The following SGCD variants were observed in gnomAD, a reference collection of about 807,000 sequenced individuals.
SGCD encodes the protein sarcoglycan delta.
Under a neutral mutation model 36.6 loss-of-function variants are expected in SGCD, and 18 were observed. That is an observed-to-expected ratio of 0.49 (90% confidence interval 0.34 to 0.73). The LOEUF (loss-of-function observed/expected upper bound fraction) is 0.73, where lower values mean the gene tolerates loss of function less well. Among genes scored for constraint, SGCD ranks in the 30% least tolerant of loss-of-function variants. The pLI is 0.01. For missense variants in SGCD, 387 were observed against 346.7 expected, an observed-to-expected ratio of 1.12 and a Z score of -0.92; for synonymous variants, 133 against 130.6, an observed-to-expected ratio of 1.02 and a Z score of -0.12.
chr5:156,687,357 T>G (rs940210434), intron 7 of SGCD, among the ~76,000 whole-genome samples: 2 of 152,226 alleles, frequency 1.3e-5, no homozygotes, highest in African/African-American at 4.8e-5. Flanking sequence ...TGAAACAGGC[T>G]TTCCTTGCTT....
chr5:156,579,884 C>A (rs1760171359), intron 4 of SGCD, among the ~76,000 whole-genome samples: 1 of 152,182 alleles, frequency 6.6e-6, no homozygotes, highest in Non-Finnish European at 1.5e-5. Context: ...CAGTCTGTGT[C>A]TTTTAACTGG....
rs1773768732 is a variant in SGCD, at chr5:156,428,386, C to G, written c.193-80215C>G. On this transcript the variant is annotated intron_variant, in intron 3 of 8. Transcript: ENST00000337851. ...GTTTCTGTGATATTGGGTGTAATAT[C>G]TCCCATTTCATTTCTAATTGAGCTT... is the stretch of plus-strand genomic sequence containing the variant. Among the ~76,000 whole-genome samples, 3 of 152,144 alleles carry G rather than the reference C, an allele frequency of 2.0e-5. No homozygotes were observed. In the South Asian group the frequency reaches 6.2e-4, roughly 32 times the overall value.
chr5:156,464,605 A>T (rs545501462), intron 3 of SGCD, among the ~76,000 whole-genome samples: 4 of 152,268 alleles, frequency 2.6e-5, no homozygotes, highest in African/African-American at 9.6e-5. Context: ...GTTTCTTCAT[A>T]GTGTTCTTAG....
chr5:155,794,248 A>T, the SGCD span, among the ~76,000 whole-genome samples: 1 of 152,210 alleles, frequency 6.6e-6, no homozygotes, highest in East Asian at 1.9e-4. Flanking sequence ...ATCTGACCAG[A>T]GGAAGATAAC....
At chr5:156,507,460 A>G (rs1378820086) in intron 3 of SGCD, among the ~76,000 whole-genome samples, 2 of 152,208 alleles carry the variant, frequency 1.3e-5, no homozygotes, top group Non-Finnish European at 2.9e-5. Flanking sequence ...GAATTCTAAC[A>G]CACAGAACTG....
chr5:155,935,348 G>T (rs545961511), intron 1 of SGCD, among the ~76,000 whole-genome samples: 2 of 152,052 alleles, frequency 1.3e-5, no homozygotes, highest in African/African-American at 4.8e-5. Context: ...TCTTCTTTTT[G>T]GTTTCTTTCC....
rs1351628919 is a variant in SGCD at position 156,760,503 on chromosome 5, G to A, written c.*1113G>A. On this transcript the variant is annotated 3_prime_UTR_variant, in exon 9 of 9. Transcript: ENST00000337851. ...CTTCTTATATATTTTTTCAGTGCCG[G>A]GATATTCATATTCCTAAAGCCACTA... The A allele has an allele frequency of 6.6e-6, 1 of 152,234 alleles. No individual in the cohort carries two copies. The highest frequency in any genetic ancestry group is 1.5e-5 in the Non-Finnish European group (1 of 68,022). 9.4% of individuals were successfully genotyped at this position (152,234 alleles called of 1,614,324 possible). A position where few individuals can be genotyped will look rare whatever the true frequency, so the allele number is the denominator to read the frequency against.
At position 156,169,957 on chromosome 5, in the gene SGCD, C is replaced by T. The variant is rs540629708; in HGVS notation, c.-44+45938C>T. On this transcript the variant is annotated intron_variant, in intron 3 of 9. Transcript: ENST00000517913. The stretch of plus-strand genomic sequence containing the variant: ...GCTCAGTGGAGAGCCATGGAAGTCT[C>T]TGGGTGTGCCCGTGGTGTGACGTGA... 1.4e-4 allele frequency among the ~76,000 whole-genome samples: 22 copies of T among 152,266 alleles called. No homozygotes were observed. In the South Asian group the frequency reaches 4.6e-3, roughly 32 times the overall value.
intron 4 of SGCD, among the ~76,000 whole-genome samples, chr5:156,577,472 T>G (rs1375178761): frequency 6.6e-6 from 1 of 152,238 alleles, no homozygotes; most frequent in Non-Finnish European, 1.5e-5. Context: ...GGTATCTTGA[T>G]GGGAATGGCA....
chr5:156,562,292 GT>G (rs1201735862), intron 4 of SGCD, among the ~76,000 whole-genome samples: 1 of 152,174 alleles, frequency 6.6e-6, no homozygotes, highest in African/African-American at 2.4e-5. Flanking sequence ...TTTGGGGAAG[GT>G]TATAGAATGG....
At chr5:156,226,717 G>A (rs903579548) in intron 3 of SGCD, among the ~76,000 whole-genome samples, 5 of 151,874 alleles carry the variant, frequency 3.3e-5, no homozygotes, top group African/African-American at 1.2e-4. Context: ...CTGCCAACAG[G>A]GATGTAGTAG....
chr5:155,945,650 T>C (rs1027935237), intron 1 of SGCD, among the ~76,000 whole-genome samples: 3 of 152,092 alleles, frequency 2.0e-5, no homozygotes, highest in Non-Finnish European at 4.4e-5. Flanking sequence ...TAAGTGCAGA[T>C]TGTGTGTCCG....
intron 3 of SGCD, among the ~76,000 whole-genome samples, chr5:156,204,614 C>T (rs916996265): frequency 6.6e-6 from 1 of 152,036 alleles, no homozygotes; most frequent in South Asian, 2.1e-4. Flanking sequence ...AGTTATGTCA[C>T]CCTTCTCAGC....
intron 3 of SGCD, among the ~76,000 whole-genome samples, chr5:156,455,170 C>T (rs1754198892): frequency 6.6e-6 from 1 of 152,124 alleles, no homozygotes; most frequent in African/African-American, 2.4e-5. Context: ...ATACCAAAGT[C>T]CTTAGGCAAT....
intron 3 of SGCD, among the ~76,000 whole-genome samples, chr5:156,449,891 GA>G (rs1418834643): frequency 6.7e-6 from 1 of 148,640 alleles, no homozygotes; most frequent in Non-Finnish European, 1.5e-5. Context: ...TTCGACTTCA[GA>G]ATTTCTCCAA....
At chr5:156,011,531 C>T (rs7736205) in intron 1 of SGCD, among the ~76,000 whole-genome samples, 11,936 of 151,882 alleles carry the variant, frequency 0.079, 1,544 homozygotes, top group African/African-American at 0.27. Context: ...ACTCCTGCCC[C>T]GCGGGTTCAA....
At chr5:155,949,031 G>A (rs1757500370) in intron 1 of SGCD, among the ~76,000 whole-genome samples, 1 of 152,114 alleles carries the variant, frequency 6.6e-6, no homozygotes, top group Non-Finnish European at 1.5e-5. Context: ...GCATACCACA[G>A]GACTGGGCAC....
intron 3 of SGCD, among the ~76,000 whole-genome samples, chr5:156,440,183 C>G (rs2127795163): frequency 6.6e-6 from 1 of 152,220 alleles, no homozygotes; most frequent in East Asian, 1.9e-4. Flanking sequence ...ACATCTGTCT[C>G]TATGAATTTA....
intron 3 of SGCD, among the ~76,000 whole-genome samples, chr5:156,414,996 A>AT (rs1772950328): frequency 6.6e-6 from 1 of 152,184 alleles, no homozygotes; most frequent in South Asian, 2.1e-4. Context: ...AATTGCCAGT[A>AT]TTTTATTCTT....
Sources: gnomAD v4.1 joint callset for allele counts (sites outside exome capture counted in the v4.1 genomes callset) on GRCh38, gnomAD v4.1.1 for gene constraint, MANE v1.5 for transcripts, NCBI Gene and HGNC (gene_info 2026-07-23, HGNC 2026-07-21) for gene names.